The following RPAIN variants were observed in gnomAD, a reference collection of about 807,000 sequenced individuals.
RPAIN encodes RPA-interacting protein.
In RPAIN, 29 loss-of-function variants were observed where a neutral mutation model predicts 30.5. The observed-to-expected ratio is 0.95, with a 90% confidence interval of 0.71 to 1.30. RPAIN has a LOEUF of 1.30. RPAIN is among the 50% of genes most tolerant of loss of function. The pLI, the probability that RPAIN is intolerant of heterozygous loss-of-function variation, is 0.00. For missense variants in RPAIN, 247 were observed against 264.7 expected, an observed-to-expected ratio of 0.93 and a Z score of 0.46; for synonymous variants, 101 against 93.5, an observed-to-expected ratio of 1.08 and a Z score of -0.46.
In RPAIN at chr17:5,420,183, T is replaced by G. The variant is rs376247412; in HGVS notation, c.-28T>G. Reference sequence around the variant, plus strand: ...TGTGCGCGCCTCCAGGGAACGGGTCTTGTGGCTTTGTCTCCCGCGAAGAGG... The same window carrying G: ...TGTGCGCGCCTCCAGGGAACGGGTCGTGTGGCTTTGTCTCCCGCGAAGAGG... On this transcript the variant is annotated 5_prime_UTR_variant, in exon 1 of 7. Transcript: ENST00000381209. 1.9e-6 allele frequency: 3 copies of G among 1,611,972 alleles called. No homozygotes were observed. The highest frequency in any genetic ancestry group is 2.5e-6 in the Non-Finnish European group (3 of 1,179,158).
intron 3 of RPAIN, chr17:5,425,496 G>A (rs1266041465): frequency 2.7e-6 from 1 of 364,224 alleles, no homozygotes; most frequent in Non-Finnish European, 5.3e-6. Context: ...CCACATGCCT[G>A]GCTAATTTTT....
chr17:5,421,710 A>G (rs1246992184), intron 2 of RPAIN: 2 of 323,608 alleles, frequency 6.2e-6, no homozygotes, highest in Non-Finnish European at 1.1e-5. Flanking sequence ...AACTAAAAAG[A>G]AAGAAATTTC....
At position 5,428,171 on chromosome 17, in the gene RPAIN, G is replaced by A. The variant is rs751323621; in HGVS notation, c.590G>A (p.Gly197Glu). 4 of 1,614,190 alleles carry A rather than the reference G, an allele frequency of 2.5e-6. No homozygotes were observed. The South Asian group carries it at 3.3e-5, about 13-fold the overall frequency. The change falls in exon 6 of 7, where the codon GGA becomes GAA. Residue 197 changes from glycine to glutamate, a missense_variant. Gly to Glu is a moderately conservative substitution (Grantham distance 98, BLOSUM62 -2). Transcript: ENST00000381209. ...CACACACCTGAATTTTCAGTCACTGGAGGAACAGAAGAAAAGTCCAGTCTT... is the reference window on the plus strand; with the variant it reads ...CACACACCTGAATTTTCAGTCACTGAAGGAACAGAAGAAAAGTCCAGTCTT... ...CPHTPEFSVT[G>E]GTEEKSSLLM...
Position 5,431,257 on chromosome 17 carries a change from T to C in RPAIN, c.631-1285T>C, listed in dbSNP as rs1195196986. 5.6e-5 allele frequency: 20 copies of C among 354,368 alleles called. No individual in the cohort carries two copies. In the Admixed American group the frequency reaches 7.6e-4, roughly 14 times the overall value. 22.0% of individuals were successfully genotyped at this position (354,368 alleles called of 1,614,324 possible). ...ACCCCAGCATTTAGGAAGGCTGAGG[T>C]GGGAGGATCACTTGAGGCCAGGAAT... On this transcript the variant is annotated intron_variant, in intron 6 of 6. Transcript: ENST00000381209.
Position 5,428,052 on chromosome 17 carries a change from G to T in RPAIN, c.490-19G>T. On this transcript the variant is annotated intron_variant, in intron 5 of 6. Coordinates refer to ENST00000381209, the MANE Select transcript of RPAIN (RefSeq NM_001033002.4). The stretch of plus-strand genomic sequence containing the variant: ...GCTATCAAGTCACTGAGAGGAGGTT[G>T]AACTTTTTTATTTTGTAGTCTTCTG... The T allele has an allele frequency of 1.2e-6, 2 of 1,613,792 alleles. No individual in the cohort carries two copies. The highest frequency in any genetic ancestry group is 2.2e-5 in the South Asian group (2 of 91,036).
intron 1 of RPAIN, 74 bp downstream of exon 1, chr17:5,420,365 G>A (rs1914628914): frequency 6.0e-6 from 8 of 1,334,314 alleles, no homozygotes; most frequent in South Asian, 1.3e-5. Context: ...CTTCGCCTTA[G>A]CCCTGCTCCG....
At chr17:5,423,931 T>G (rs34878464) in intron 3 of RPAIN, among the ~76,000 whole-genome samples, 45,152 of 149,980 alleles carry the variant, frequency 0.3, 7,901 homozygotes, top group East Asian at 0.81. Context: ...TTTTTTTTAT[T>G]AATTTTTTTT....
intron 3 of RPAIN, 65 bp downstream of exon 3, chr17:5,422,894 C>T: frequency 5.4e-6 from 7 of 1,301,846 alleles, no homozygotes; most frequent in Non-Finnish European, 6.6e-6. Context: ...ACCTTTCCTC[C>T]AATCAGGATT....
Position 5,432,657 on chromosome 17 carries a change from T to TAAC in RPAIN, c.*87_*89dup. On this transcript the variant is annotated 3_prime_UTR_variant, in exon 7 of 7. Transcript: ENST00000381209. ...CTTGTACATACAAGCCTTTTATTTA[T>TAAC]AACTTATTTTGTATTGAAACTTTTA... 7.9e-7 allele frequency: 1 copy of TAAC among 1,273,154 alleles called. No homozygotes were observed. 78.9% of individuals were successfully genotyped at this position (1,273,154 alleles called of 1,614,324 possible).
chr17:5,420,186 T>A lies in RPAIN; in HGVS notation c.-25T>A, dbSNP rs765671360. On this transcript the variant is annotated 5_prime_UTR_variant, in exon 1 of 7. Transcript: ENST00000381209. ...GCGCGCCTCCAGGGAACGGGTCTTG[T>A]GGCTTTGTCTCCCGCGAAGAGGAGA... is the stretch of plus-strand genomic sequence containing the variant. 30 of 1,612,502 alleles carry A rather than the reference T, an allele frequency of 1.9e-5. No homozygotes were observed. Among genetic ancestry groups the A allele is most frequent in the South Asian group, 1.7e-4 (15 of 90,814 alleles).
At chr17:5,423,933 A>ATT (rs200628058) in intron 3 of RPAIN, among the ~76,000 whole-genome samples, 32,504 of 144,218 alleles carry the variant, frequency 0.23, 4,937 homozygotes, top group East Asian at 0.81. Context: ...TTTTTTATTA[A>ATT]TTTTTTTTTT....
intron 3 of RPAIN, 187 bp downstream of exon 3, chr17:5,423,016 T>G: frequency 1.8e-6 from 1 of 543,328 alleles, no homozygotes; most frequent in Non-Finnish European, 3.3e-6. Flanking sequence ...TCCAGGGTGC[T>G]AGACCTTGTG....
At chr17:5,427,522 G>A (rs1915516812) in intron 5 of RPAIN, 1 of 154,270 alleles carries the variant, frequency 6.5e-6, no homozygotes, top group East Asian at 1.9e-4. Context: ...AAGAAACTGA[G>A]TATACAACTT....
In RPAIN at chr17:5,421,267, TC is replaced by T. The variant is rs200296645; in HGVS notation, c.82-22del. ...TTTAAAAATAGAAATGCTTTTTTTT[TC>T]CCCCCCAATCTTGCTCTTTTTTCCC... On this transcript the variant is annotated intron_variant, in intron 1 of 6. Transcript: ENST00000381209. The T allele has an allele frequency of 8.3e-4, 1,235 of 1,486,914 alleles. 1 individual carries two copies. Among genetic ancestry groups the T allele is most frequent in the East Asian group, 4.6e-3 (175 of 37,908 alleles). The allele number at this position is 1,486,914 out of a possible 1,614,324, so 92.1% of individuals were successfully genotyped here.
At chr17:5,420,621 T>A (rs1047909688) in intron 1 of RPAIN, among the ~76,000 whole-genome samples, 1 of 151,444 alleles carries the variant, frequency 6.6e-6, no homozygotes, top group African/African-American at 2.4e-5. Flanking sequence ...TAGAGATGAT[T>A]TCTATTCTAG....
chr17:5,428,903 G>A (rs1185742412), intron 6 of RPAIN: 1 of 983,998 alleles, frequency 1.0e-6, no homozygotes, highest in Non-Finnish European at 1.2e-6. Context: ...TCATAGCCAT[G>A]GCTTTCTACT....
intron 1 of RPAIN, among the ~76,000 whole-genome samples, chr17:5,420,779 G>A (rs980223874): frequency 6.6e-6 from 1 of 152,202 alleles, no homozygotes; most frequent in Non-Finnish European, 1.5e-5. Flanking sequence ...CCTTGACAAT[G>A]GACATTTTGA....
Position 5,428,488 on chromosome 17 carries a change from G to A in RPAIN, c.630+277G>A, listed in dbSNP as rs944173151. 33 of 1,411,010 alleles carry A rather than the reference G, an allele frequency of 2.3e-5. No homozygotes were observed. The Admixed American group carries it at 8.5e-4, about 36-fold the overall frequency. 87.4% of individuals were successfully genotyped at this position (1,411,010 alleles called of 1,614,324 possible). ...TGCTCTTCTTTGATCAGTAGTAGTG[G>A]TTTTGGATTCAGCTGGTCATTTCAT... On this transcript the variant is annotated intron_variant, in intron 6 of 6. Transcript: ENST00000381209.
At chr17:5,421,576 C>A in intron 2 of RPAIN, 110 bp downstream of exon 2, 2 of 908,064 alleles carry the variant, frequency 2.2e-6, no homozygotes. Flanking sequence ...TCCCCTAACC[C>A]CATTTAGAAT....
Sources: allele counts gnomAD v4.1 joint callset (sites outside exome capture counted in the v4.1 genomes callset), GRCh38; gene constraint gnomAD v4.1.1; transcripts MANE v1.5; gene names NCBI Gene and HGNC (gene_info 2026-07-23, HGNC 2026-07-21).